Variants in FREM1 observed in about 807,000 individuals in gnomAD.
FREM1 encodes FRAS1 related extracellular matrix 1, also known as FRAS1-related extracellular matrix protein 1.
A neutral mutation model predicts 210.1 loss-of-function variants in FREM1; 220 were observed. The ratio of observed to expected loss-of-function variants is 1.05; its 90% CI spans 0.94 to 1.17. The LOEUF (loss-of-function observed/expected upper bound fraction) is 1.17. Among genes scored for constraint, FREM1 ranks in the 50% most tolerant of loss-of-function variants. FREM1 has a pLI of 0.00. For synonymous variants in FREM1, 1,189 were observed against 980.2 expected, an observed-to-expected ratio of 1.21 and a Z score of -3.98; for missense variants, 3,454 against 2,675.5, an observed-to-expected ratio of 1.29 and a Z score of -6.42.
At chr9:14,882,744 A>G (rs1003609754) in intron 1 of FREM1, among the ~76,000 whole-genome samples, 1 of 151,590 alleles carries the variant, frequency 6.6e-6, no homozygotes, top group Non-Finnish European at 1.5e-5. Context: ...GGTGTGAACC[A>G]CTGCACCTGG....
intron 20 of FREM1, among the ~76,000 whole-genome samples, chr9:14,798,800 A>G (rs147853034): frequency 7.2e-5 from 11 of 152,046 alleles, no homozygotes; most frequent in African/African-American, 2.4e-4. Flanking sequence ...CAGCCTCCCA[A>G]GTAGCTGGGG....
intron 29 of FREM1, among the ~76,000 whole-genome samples, chr9:14,753,818 T>G (rs912968333): frequency 6.6e-6 from 1 of 152,250 alleles, no homozygotes; most frequent in Non-Finnish European, 1.5e-5. Flanking sequence ...TTTGCAAAAC[T>G]GCTTCTGGGT....
At chr9:14,778,712 AG>A (rs1849120819) in intron 24 of FREM1, among the ~76,000 whole-genome samples, 1 of 54,676 alleles carries the variant, frequency 1.8e-5, no homozygotes, top group Non-Finnish European at 3.6e-5. Context: ...AGGGAAGGGA[AG>A]GGAAGGGAAG....
At chr9:14,800,605 T>C (rs928737632) in intron 20 of FREM1, among the ~76,000 whole-genome samples, 1 of 152,164 alleles carries the variant, frequency 6.6e-6, no homozygotes, top group Non-Finnish European at 1.5e-5. Context: ...TGTAGTTTCA[T>C]GATCTCAATA....
At chr9:14,874,981 T>G (rs912965780) in intron 1 of FREM1, among the ~76,000 whole-genome samples, 1 of 152,218 alleles carries the variant, frequency 6.6e-6, no homozygotes, top group Non-Finnish European at 1.5e-5. Context: ...TCTTTAAGAA[T>G]CTTGAATATT....
chr9:14,848,787 G>C lies in FREM1; in HGVS notation c.1153-14C>G. On this transcript the variant is annotated splice_polypyrimidine_tract_variant and intron_variant, in intron 6 of 36. Transcript: ENST00000380880. Reference sequence around the variant, plus strand: ...CTCCAATTCTACCTGTAAACAAACAGAGGCAAAGGAGCCACACACTGAAGC... The same window carrying C: ...CTCCAATTCTACCTGTAAACAAACACAGGCAAAGGAGCCACACACTGAAGC... 1 of 1,499,394 alleles carries C rather than the reference G, an allele frequency of 6.7e-7. No homozygotes were observed. Among genetic ancestry groups the C allele is most frequent in the Non-Finnish European group, 9.3e-7 (1 of 1,075,920 alleles). The allele number at this position is 1,499,394 out of a possible 1,614,324, so 92.9% of individuals were successfully genotyped here.
chr9:14,813,478 A>C (rs1367736808), intron 15 of FREM1, among the ~76,000 whole-genome samples: 2 of 152,172 alleles, frequency 1.3e-5, no homozygotes, highest in African/African-American at 4.8e-5. Flanking sequence ...TTTTTGTTTC[A>C]AATTACTTGG....
intron 1 of FREM1, among the ~76,000 whole-genome samples, chr9:14,890,841 A>T (rs932629196): frequency 6.6e-6 from 1 of 152,242 alleles, no homozygotes; most frequent in Non-Finnish European, 1.5e-5. Context: ...TTTAATGACT[A>T]TCAAAGCCTC....
At chr9:14,867,746 T>C (rs1464245123) in intron 2 of FREM1, among the ~76,000 whole-genome samples, 9 of 152,198 alleles carry the variant, frequency 5.9e-5, no homozygotes, top group Admixed American at 5.9e-4. Context: ...AAGAGAATGG[T>C]CCATTTTTCC....
At chr9:14,866,513 C>T (rs547702081) in intron 2 of FREM1, among the ~76,000 whole-genome samples, 3 of 152,216 alleles carry the variant, frequency 2.0e-5, no homozygotes, top group South Asian at 4.2e-4. Context: ...TCCAAATTGC[C>T]TACTAAGGAG....
intron 3 of FREM1, among the ~76,000 whole-genome samples, chr9:14,861,090 T>C (rs865952379): frequency 1.7e-4 from 14 of 81,668 alleles, no homozygotes; most frequent in South Asian, 6.1e-4. Context: ...TATATACACA[T>C]ATATATAAAC....
At chr9:14,767,984 C>T (rs369229426) in intron 27 of FREM1, among the ~76,000 whole-genome samples, 25 of 152,120 alleles carry the variant, frequency 1.6e-4, no homozygotes, top group African/African-American at 5.8e-4. Context: ...ATTTAAATGG[C>T]CTCATTTAAG....
intron 1 of FREM1, among the ~76,000 whole-genome samples, chr9:14,881,646 C>G (rs1229514963): frequency 6.6e-6 from 1 of 152,212 alleles, no homozygotes; most frequent in Non-Finnish European, 1.5e-5. Context: ...TAACTCTCTT[C>G]CAATATCTAT....
chr9:14,864,633 C>T (rs1168015881), intron 2 of FREM1, among the ~76,000 whole-genome samples: 1 of 152,170 alleles, frequency 6.6e-6, no homozygotes, highest in Non-Finnish European at 1.5e-5. Context: ...ATTTTGGGAA[C>T]CTGATTTTTA....
intron 24 of FREM1, among the ~76,000 whole-genome samples, chr9:14,777,437 A>G (rs1170300741): frequency 2.6e-5 from 4 of 152,228 alleles, no homozygotes; most frequent in Admixed American, 2.6e-4. Flanking sequence ...TGTACACCAA[A>G]GAAATGTACT....
chr9:14,781,039 T>A (rs1849571621), intron 24 of FREM1, among the ~76,000 whole-genome samples: 1 of 152,136 alleles, frequency 6.6e-6, no homozygotes, highest in Non-Finnish European at 1.5e-5. Flanking sequence ...CAAATGCATA[T>A]TCTCCACAAA....
intron 1 of FREM1, among the ~76,000 whole-genome samples, chr9:14,904,119 A>G (rs982509584): frequency 2.0e-5 from 3 of 150,650 alleles, no homozygotes; most frequent in Non-Finnish European, 3.0e-5. Flanking sequence ...CGTCTCAAAA[A>G]AAAAAAAAAA....
At chr9:14,837,637 TA>T (rs1824880047) in intron 10 of FREM1, among the ~76,000 whole-genome samples, 1 of 152,116 alleles carries the variant, frequency 6.6e-6, no homozygotes, top group Non-Finnish European at 1.5e-5. Context: ...GTTTTCCAAT[TA>T]AGTGGAGCCT....
intron 2 of FREM1, among the ~76,000 whole-genome samples, chr9:14,865,258 G>A (rs1831295326): frequency 6.6e-6 from 1 of 152,106 alleles, no homozygotes; most frequent in East Asian, 1.9e-4. Flanking sequence ...GCTAACCTGG[G>A]GTGCTTTCCA....
Sources: allele counts gnomAD v4.1 joint callset (sites outside exome capture counted in the v4.1 genomes callset), GRCh38; gene constraint gnomAD v4.1.1; transcripts MANE v1.5; gene names NCBI Gene and HGNC (gene_info 2026-07-23, HGNC 2026-07-21).